Variants in CENPP observed in about 807,000 individuals in gnomAD.
CENPP encodes the protein centromere protein P.
Under a neutral mutation model 35.6 loss-of-function variants are expected in CENPP, and 24 were observed. The ratio of observed to expected loss-of-function variants is 0.67; its 90% CI spans 0.49 to 0.95. CENPP has a LOEUF of 0.95. Among genes scored for constraint, CENPP ranks in the 40% least tolerant of loss-of-function variants. The pLI is 0.00. For synonymous variants in CENPP, 120 were observed against 125.5 expected, an observed-to-expected ratio of 0.96 and a Z score of 0.29; for missense variants, 332 against 345.3, an observed-to-expected ratio of 0.96 and a Z score of 0.31.
At chr9:92,572,228 G>A (rs945922859) in intron 5 of CENPP, among the ~76,000 whole-genome samples, 3 of 152,104 alleles carry the variant, frequency 2.0e-5, no homozygotes, top group African/African-American at 2.4e-5. Flanking sequence ...AACTGGTACC[G>A]GTTGTTCCTT....
intron 4 of CENPP, among the ~76,000 whole-genome samples, chr9:92,349,703 A>G (rs1241304051): frequency 1.3e-5 from 2 of 152,096 alleles, no homozygotes; most frequent in Non-Finnish European, 2.9e-5. Context: ...CGCCTGGCCT[A>G]TGTATACATT....
intron 5 of CENPP, among the ~76,000 whole-genome samples, chr9:92,595,807 C>G (rs1850766622): frequency 1.3e-5 from 2 of 152,080 alleles, no homozygotes; most frequent in African/African-American, 2.4e-5. Context: ...GGCAATCTGC[C>G]CACCTCGGCC....
intron 5 of CENPP, among the ~76,000 whole-genome samples, chr9:92,458,972 T>G (rs1465161812): frequency 6.6e-6 from 1 of 152,200 alleles, no homozygotes; most frequent in Non-Finnish European, 1.5e-5. Context: ...CTCAAGCTCC[T>G]TGGAAGATGA....
rs1304493424 is a variant in CENPP, at chr9:92,611,361, C to T, written c.612C>T (p.Cys204=). The part of the protein sequence containing the change: ...AVYLSEGPSS[C]SMGIRSASRP... ...ACCTCTCGGAGGGGCCCTCCTCCTG[C>T]TCCATGGGGATCCGCAGCGCCAGCC... Residue 204 remains cysteine (C), a synonymous_variant, in exon 6 of 8, where the codon TGC becomes TGT. Coordinates refer to ENST00000375587, the MANE Select transcript of CENPP (RefSeq NM_001012267.3). 6.2e-7 allele frequency: 1 copy of T among 1,613,536 alleles called. No individual in the cohort carries two copies. The highest frequency in any genetic ancestry group is 2.2e-5 in the East Asian group (1 of 44,858).
intron 5 of CENPP, among the ~76,000 whole-genome samples, chr9:92,464,352 A>G (rs1026544906): frequency 6.6e-6 from 1 of 152,238 alleles, no homozygotes; most frequent in Non-Finnish European, 1.5e-5. Flanking sequence ...GGTAATGATT[A>G]TGTCACAGGT....
At chr9:92,387,053 GA>G (rs903436031) in intron 5 of CENPP, among the ~76,000 whole-genome samples, 1,028 of 50,164 alleles carry the variant, frequency 0.02, 3 homozygotes, top group African/African-American at 0.041. Context: ...GTCTCAAAAA[GA>G]AAAAAAAAAA....
At chr9:92,379,255 G>C (rs1313973948) in intron 4 of CENPP, among the ~76,000 whole-genome samples, 1 of 152,198 alleles carries the variant, frequency 6.6e-6, no homozygotes, top group Non-Finnish European at 1.5e-5. Flanking sequence ...CAACCAGGAA[G>C]TTCTGCTGTG....
At chr9:92,601,528 C>A (rs1850918121) in intron 5 of CENPP, among the ~76,000 whole-genome samples, 1 of 152,198 alleles carries the variant, frequency 6.6e-6, no homozygotes, top group Non-Finnish European at 1.5e-5. Flanking sequence ...CATCTCGCCT[C>A]CCCCGTGGGG....
At chr9:92,487,674 A>G (rs1027938521) in intron 5 of CENPP, among the ~76,000 whole-genome samples, 1 of 152,198 alleles carries the variant, frequency 6.6e-6, no homozygotes, top group African/African-American at 2.4e-5. Context: ...AAAATAAAAT[A>G]GAACAGACAT....
chr9:92,417,593 G>T, intron 5 of CENPP: 1 of 1,328,876 alleles, frequency 7.5e-7, no homozygotes. Flanking sequence ...AGGAGAAAAG[G>T]AAACATTGTG....
At position 92,619,845 on chromosome 9, in the gene CENPP, T is replaced by C; in HGVS notation, c.*6696T>C. ...CCCCGACTCCAGACCCTGAGACGGA[T>C]GATCTGTCTTCAGCAAGGTCACCAC... On this transcript the variant is annotated 3_prime_UTR_variant, in exon 8 of 8. Coordinates refer to ENST00000375587, the MANE Select transcript of CENPP (RefSeq NM_001012267.3). 2.1e-6 allele frequency: 1 copy of C among 476,694 alleles called. No individual in the cohort carries two copies. The highest frequency in any genetic ancestry group is 3.9e-6 in the Non-Finnish European group (1 of 258,656). The allele number at this position is 476,694 out of a possible 1,614,324, so 29.5% of individuals were successfully genotyped here.
intron 5 of CENPP, among the ~76,000 whole-genome samples, chr9:92,582,815 A>G (rs187049444): frequency 6.6e-6 from 1 of 152,262 alleles, no homozygotes; most frequent in Non-Finnish European, 1.5e-5. Flanking sequence ...CTGCTCTCAA[A>G]GGGCAGGAAG....
At chr9:92,504,586 A>AGTGTAGT (rs1376340596) in intron 5 of CENPP, among the ~76,000 whole-genome samples, 127 of 151,992 alleles carry the variant, frequency 8.4e-4, no homozygotes, top group African/African-American at 2.8e-3. Flanking sequence ...CCCAGGCTGG[A>AGTGTAGT]GTGTAGTGGT....
intron 5 of CENPP, among the ~76,000 whole-genome samples, chr9:92,383,671 G>A (rs1055417129): frequency 2.0e-5 from 3 of 151,848 alleles, no homozygotes; most frequent in Non-Finnish European, 4.4e-5. Context: ...GTATATGAAG[G>A]TGTAAGGTAT....
At chr9:92,472,959 C>G (rs887653417) in intron 5 of CENPP, among the ~76,000 whole-genome samples, 1 of 152,180 alleles carries the variant, frequency 6.6e-6, no homozygotes, top group Non-Finnish European at 1.5e-5. Flanking sequence ...AGTTTCATCT[C>G]CTGAGGGAGG....
At chr9:92,455,715 A>G (rs1353232149) in intron 5 of CENPP, among the ~76,000 whole-genome samples, 1 of 152,204 alleles carries the variant, frequency 6.6e-6, no homozygotes, top group African/African-American at 2.4e-5. Flanking sequence ...CTTTCATAGC[A>G]TAGGAATTAC....
intron 4 of CENPP, among the ~76,000 whole-genome samples, chr9:92,372,820 CT>C (rs112464210): frequency 3.4e-4 from 49 of 145,020 alleles, no homozygotes; most frequent in East Asian, 6.0e-4. Context: ...TTTTCTTTTT[CT>C]TTTTTTTTTT....
chr9:92,565,402 G>C (rs1397005352), intron 5 of CENPP, among the ~76,000 whole-genome samples: 1 of 151,158 alleles, frequency 6.6e-6, no homozygotes, highest in Admixed American at 6.6e-5. Context: ...CAGCCCACAG[G>C]CCATGGGTTA....
intron 5 of CENPP, among the ~76,000 whole-genome samples, chr9:92,556,112 T>G (rs1849718852): frequency 6.6e-6 from 1 of 152,198 alleles, no homozygotes; most frequent in Admixed American, 6.5e-5. Context: ...GTTCAAATAA[T>G]TTTTTAATTT....
Sources: allele counts gnomAD v4.1 joint callset (sites outside exome capture counted in the v4.1 genomes callset), GRCh38; gene constraint gnomAD v4.1.1; transcripts MANE v1.5; gene names NCBI Gene and HGNC (gene_info 2026-07-23, HGNC 2026-07-21).